EPHX4: variants seen among roughly 807,000 people sequenced by gnomAD.
EPHX4 encodes epoxide hydrolase 4.
In EPHX4, 31 loss-of-function variants were observed where a neutral mutation model predicts 44.9. The ratio of observed to expected loss-of-function variants is 0.69; its 90% confidence interval spans 0.52 to 0.93. The LOEUF is 0.93. Ranked by LOEUF, EPHX4 falls within the 40% of genes least tolerant of loss-of-function variation. The pLI, the probability that EPHX4 is intolerant of heterozygous loss-of-function variation, is 0.00. For missense variants in EPHX4, 373 were observed against 438.1 expected (o/e 0.85, Z 1.33); for synonymous variants, 151 against 159.7 (o/e 0.95, Z 0.41).
chr1:92,057,019 A>G (rs72954788), intron 6 of EPHX4, among the ~76,000 whole-genome samples: 2,799 of 152,254 alleles, frequency 0.018, 95 homozygotes, highest in African/African-American at 0.064. Flanking sequence ...TGATATTTCA[A>G]AACATGAGGA....
chr1:92,055,119 G>T (rs1647334131), intron 6 of EPHX4, among the ~76,000 whole-genome samples: 1 of 151,978 alleles, frequency 6.6e-6, no homozygotes, highest in Non-Finnish European at 1.5e-5. Context: ...CTATCAAAAA[G>T]GCAGAAAGGG....
intron 3 of EPHX4, among the ~76,000 whole-genome samples, chr1:92,045,095 T>G (rs1557883746): frequency 6.6e-6 from 1 of 152,136 alleles, no homozygotes; most frequent in Non-Finnish European, 1.5e-5. Flanking sequence ...CTACAGTTGC[T>G]TGTACTACAG....
intron 3 of EPHX4, chr1:92,043,305 G>GCA: frequency 5.8e-6 from 1 of 171,456 alleles, no homozygotes; most frequent in Non-Finnish European, 1.2e-5. Context: ...TGAGGTCAGA[G>GCA]TTTAAGACCA....
chr1:92,046,544 A>C (rs1570693074), intron 4 of EPHX4, among the ~76,000 whole-genome samples: 1 of 152,006 alleles, frequency 6.6e-6, no homozygotes, highest in African/African-American at 2.4e-5. Context: ...GCTCACTGCA[A>C]CCTCCACCTC....
chr1:92,062,206 T>G (rs1647511924), intron 6 of EPHX4, among the ~76,000 whole-genome samples: 1 of 152,138 alleles, frequency 6.6e-6, no homozygotes, highest in African/African-American at 2.4e-5. Context: ...CTAGGAACAA[T>G]TTAAAATAAA....
intron 1 of EPHX4, 23 bp downstream of exon 1, chr1:92,030,333 C>G (rs1359252106): frequency 6.7e-7 from 1 of 1,482,122 alleles, no homozygotes; most frequent in East Asian, 2.5e-5. Flanking sequence ...GCGGGCCTGG[C>G]GGGAGCGGGA....
At chr1:92,048,441 G>A (rs1462899680) in intron 4 of EPHX4, among the ~76,000 whole-genome samples, 2 of 152,136 alleles carry the variant, frequency 1.3e-5, no homozygotes, top group African/African-American at 4.8e-5. Context: ...ATCAATAATT[G>A]TTTCTGCCCT....
intron 6 of EPHX4, among the ~76,000 whole-genome samples, chr1:92,060,673 C>T (rs1479209288): frequency 1.3e-5 from 2 of 152,006 alleles, no homozygotes; most frequent in East Asian, 1.9e-4. Flanking sequence ...AATCCCAGCA[C>T]TTTGGGAGGC....
chr1:92,050,457 T>C (rs777231700), intron 5 of EPHX4, 37 bp downstream of exon 5: 2 of 1,079,082 alleles, frequency 1.9e-6, no homozygotes, highest in Admixed American at 5.1e-5. Flanking sequence ...TGTATTATTA[T>C]TATTATTAAT....
At chr1:92,040,430 C>T (rs551332418) in intron 2 of EPHX4, among the ~76,000 whole-genome samples, 9 of 151,388 alleles carry the variant, frequency 5.9e-5, no homozygotes, top group Admixed American at 1.3e-4. Context: ...CCTCAACCTC[C>T]GCCGCTTGCC....
At chr1:92,053,543 T>G (rs1307995673) in intron 6 of EPHX4, among the ~76,000 whole-genome samples, 2 of 152,126 alleles carry the variant, frequency 1.3e-5, no homozygotes, top group Non-Finnish European at 2.9e-5. Flanking sequence ...TCAGAGTAAA[T>G]GTGGGAAAAC....
At chr1:92,059,730 A>C (rs971367682) in intron 6 of EPHX4, among the ~76,000 whole-genome samples, 2 of 152,254 alleles carry the variant, frequency 1.3e-5, no homozygotes, top group African/African-American at 4.8e-5. Context: ...CTGCAAATGC[A>C]ACAAAAAATT....
rs1256836569 is a variant in EPHX4, at chr1:92,030,213, AG to A, written c.138del (p.Pro47ArgfsTer17). 2 of 1,606,648 alleles carry A rather than the reference AG, an allele frequency of 1.2e-6. No individual in the cohort carries two copies. Among genetic ancestry groups the A allele is most frequent in the South Asian group, 1.1e-5 (1 of 89,810 alleles). ...CTCAAACTTTTGTGGAGCCTCGGCA[AG>A]GGGCCGGCGCAGACCTTCCGGCGGC... ...HLLKLLWSLG[K>X]GPAQTFRRPA... On this transcript the variant is annotated frameshift_variant, in exon 1 of 7. Coordinates refer to ENST00000370383, the MANE Select transcript of EPHX4 (RefSeq NM_173567.5). LOFTEE classifies it high-confidence loss of function.
Position 92,030,037 on chromosome 1 carries a change from C to T in EPHX4, c.-43C>T, listed in dbSNP as rs763549307. ...CCTGGCGCGCTGCGGCGCTCGCTCACCCGCTCCCGAGGAAGGGCAGTGGGC... is the reference window on the plus strand; with the variant it reads ...CCTGGCGCGCTGCGGCGCTCGCTCATCCGCTCCCGAGGAAGGGCAGTGGGC... On this transcript the variant is annotated 5_prime_UTR_variant, in exon 1 of 7. Transcript: ENST00000370383. The T allele has an allele frequency of 7.0e-6, 10 of 1,438,026 alleles. No homozygotes were observed. The highest frequency in any genetic ancestry group is 9.2e-6 in the Non-Finnish European group (10 of 1,086,916). 89.1% of individuals were successfully genotyped at this position (1,438,026 alleles called of 1,614,324 possible).
chr1:92,056,795 A>C (rs1338047729), intron 6 of EPHX4, among the ~76,000 whole-genome samples: 2 of 152,068 alleles, frequency 1.3e-5, no homozygotes, highest in African/African-American at 4.8e-5. Context: ...CAAACATGTA[A>C]AGAATATTAC....
intron 3 of EPHX4, 108 bp from the exon 4 acceptor site, chr1:92,045,424 A>G: frequency 7.3e-7 from 1 of 1,373,092 alleles, no homozygotes; most frequent in Non-Finnish European, 1.0e-6. Context: ...CATAATTAGG[A>G]TAAGATAATG....
intron 2 of EPHX4, among the ~76,000 whole-genome samples, chr1:92,041,086 TGAA>T (rs1376739143): frequency 1.3e-5 from 2 of 152,100 alleles, no homozygotes; most frequent in Non-Finnish European, 2.9e-5. Context: ...TTTGCTTATT[TGAA>T]GAAGAAAATC....
chr1:92,059,059 G>A (rs1057049470), intron 6 of EPHX4, among the ~76,000 whole-genome samples: 1 of 152,156 alleles, frequency 6.6e-6, no homozygotes. Flanking sequence ...ATGAGGAAGG[G>A]AACTTCGTCT....
In EPHX4 at chr1:92,033,680, A is replaced by G. The variant is rs551366708; in HGVS notation, c.317+1090A>G. ...CCCAAATATGTAATTATTAGTTACT[A>G]TCTTCGTTCATTTTTGTTGCTAACA... On this transcript the variant is annotated intron_variant, in intron 2 of 6. Transcript: ENST00000370383. 7.2e-5 allele frequency among the ~76,000 whole-genome samples: 11 copies of G among 152,326 alleles called. 1 individual carries two copies. In the South Asian group the frequency reaches 1.0e-3, roughly 14 times the overall value.
Sources: allele counts gnomAD v4.1 joint callset (sites outside exome capture counted in the v4.1 genomes callset), GRCh38; gene constraint gnomAD v4.1.1; transcripts MANE v1.5; gene names NCBI Gene and HGNC (gene_info 2026-07-23, HGNC 2026-07-21).